The following ADD3 variants were observed in gnomAD, a reference collection of about 807,000 sequenced individuals.
ADD3 encodes adducin 3, also known as gamma-adducin.
In ADD3, 25 loss-of-function variants were observed where a neutral mutation model predicts 80.2. The observed-to-expected ratio is 0.31, with a 90% CI of 0.23 to 0.44. The LOEUF is 0.44. Among genes scored for constraint, ADD3 ranks in the 20% least tolerant of loss-of-function variants. ADD3 has a pLI of 1.00. For synonymous variants in ADD3, 284 were observed against 289.6 expected (o/e 0.98, Z 0.20); for missense variants, 829 against 847.5 (o/e 0.98, Z 0.27).
At chr10:110,101,022 G>T (rs537152198) in intron 2 of ADD3, among the ~76,000 whole-genome samples, 174 bp downstream of exon 2, 1 of 152,270 alleles carries the variant, frequency 6.6e-6, no homozygotes, top group African/African-American at 2.4e-5. Context: ...TATTTGATTT[G>T]CAGAGCCTTA....
chr10:110,090,216 CTTTTT>C (rs144120692), intron 1 of ADD3, among the ~76,000 whole-genome samples: 2 of 113,928 alleles, frequency 1.8e-5, no homozygotes, highest in African/African-American at 3.7e-5. Flanking sequence ...ACCTACTTGA[CTTTTT>C]TTTTTTTTTT....
At chr10:110,022,605 A>G (rs567033365) in intron 1 of ADD3, among the ~76,000 whole-genome samples, 4 of 152,330 alleles carry the variant, frequency 2.6e-5, no homozygotes, top group African/African-American at 7.2e-5. Flanking sequence ...TCATAGCTTG[A>G]TAAGTTTTCA....
At chr10:110,058,476 G>A (rs1403949234) in intron 1 of ADD3, among the ~76,000 whole-genome samples, 1 of 152,122 alleles carries the variant, frequency 6.6e-6, no homozygotes, top group East Asian at 1.9e-4. Flanking sequence ...TCTGATTGAC[G>A]AGATGGTGAC....
intron 1 of ADD3, among the ~76,000 whole-genome samples, chr10:110,071,268 AT>A (rs976531300): frequency 3.3e-5 from 5 of 152,200 alleles, no homozygotes; most frequent in Non-Finnish European, 7.4e-5. Flanking sequence ...CAAAAGTAAC[AT>A]TTTTAACAAA....
chr10:110,086,593 A>G (rs987609629), intron 1 of ADD3, among the ~76,000 whole-genome samples: 2 of 152,098 alleles, frequency 1.3e-5, no homozygotes, highest in African/African-American at 4.8e-5. Flanking sequence ...GAGTTCTCAC[A>G]AGATCTTGTT....
At chr10:110,063,607 G>A (rs903574643) in intron 1 of ADD3, among the ~76,000 whole-genome samples, 1 of 150,960 alleles carries the variant, frequency 6.6e-6, no homozygotes, top group African/African-American at 2.4e-5. Context: ...TATAGAAAGA[G>A]GGGAGGCTTT....
chr10:110,041,177 A>G (rs1283149286), intron 1 of ADD3, among the ~76,000 whole-genome samples: 2 of 152,212 alleles, frequency 1.3e-5, no homozygotes, highest in Non-Finnish European at 2.9e-5. Context: ...TTAAGTAGGT[A>G]GTTGAACATA....
In ADD3 at chr10:110,125,844, T is replaced by C; in HGVS notation, c.1420T>C (p.Ser474Pro). 6.3e-7 allele frequency: 1 copy of C among 1,599,490 alleles called. No individual in the cohort carries two copies. The highest frequency in any genetic ancestry group is 8.5e-7 in the Non-Finnish European group (1 of 1,170,962). Residue 474 changes from serine (S) to proline (P), a missense_variant, in exon 11 of 15, where the codon TCA (serine) becomes CCA (proline). By Grantham distance (74) the Ser-to-Pro change is moderately conservative. Transcript: ENST00000356080. ...TCTTTAGTGGATGAAAGCAGAAGAC[T>C]CATCTAAAGTTAGTGGTGGAACACC... The part of the protein sequence containing the change: ...TKITWMKAED[S>P]SKVSGGTPIK...
chr10:110,128,049 A>ATTTTTTTTTT (rs71486096), intron 12 of ADD3, among the ~76,000 whole-genome samples: 6 of 106,012 alleles, frequency 5.7e-5, no homozygotes, highest in Non-Finnish European at 7.6e-5. Flanking sequence ...TTTGTTTAGG[A>ATTTTTTTTTT]TTTTTTTTTT....
intron 1 of ADD3, among the ~76,000 whole-genome samples, chr10:110,057,143 C>A (rs938733875): frequency 1.3e-5 from 2 of 152,070 alleles, no homozygotes; most frequent in African/African-American, 4.8e-5. Flanking sequence ...TTTTTTCATA[C>A]CCCCAATTCT....
At chr10:110,031,733 G>A (rs1032598003) in intron 1 of ADD3, among the ~76,000 whole-genome samples, 13 of 151,568 alleles carry the variant, frequency 8.6e-5, no homozygotes, top group Non-Finnish European at 1.9e-4. Flanking sequence ...TGTTAATGAA[G>A]AGACATGAGC....
chr10:109,998,728 C>A (rs1345561951), intron 1 of ADD3, among the ~76,000 whole-genome samples: 2 of 152,102 alleles, frequency 1.3e-5, no homozygotes, highest in East Asian at 1.9e-4. Flanking sequence ...TGCCTCATGA[C>A]CTTTGAACTT....
chr10:110,106,173 CCT>C (rs932394079), intron 2 of ADD3: 3 of 150,344 alleles, frequency 2.0e-5, no homozygotes, highest in African/African-American at 7.4e-5. Flanking sequence ...CCCCAATTTT[CCT>C]CTCTAGTAAT....
intron 1 of ADD3, among the ~76,000 whole-genome samples, chr10:110,028,432 C>T (rs564746265): frequency 3.9e-5 from 6 of 152,144 alleles, no homozygotes; most frequent in East Asian, 1.9e-4. Flanking sequence ...GGCGTGGTGG[C>T]GGGCGCCTGT....
At chr10:110,034,262 A>G (rs374848458) in intron 1 of ADD3, among the ~76,000 whole-genome samples, 1 of 152,142 alleles carries the variant, frequency 6.6e-6, no homozygotes, top group East Asian at 1.9e-4. Flanking sequence ...TTTAAAAATC[A>G]GTATTCATAA....
chr10:110,086,510 G>A (rs1199426822), intron 1 of ADD3, among the ~76,000 whole-genome samples: 2 of 152,180 alleles, frequency 1.3e-5, no homozygotes, highest in African/African-American at 4.8e-5. Flanking sequence ...GGTGGGGTCT[G>A]GCAGGAGTTG....
At chr10:110,071,122 G>A (rs7072613) in intron 1 of ADD3, among the ~76,000 whole-genome samples, 5,869 of 151,972 alleles carry the variant, frequency 0.039, 388 homozygotes, top group African/African-American at 0.14. Flanking sequence ...AAAAAAAATT[G>A]GGGGAATGGC....
At chr10:110,066,571 ATTT>A (rs879573980) in intron 1 of ADD3, among the ~76,000 whole-genome samples, 1 of 151,240 alleles carries the variant, frequency 6.6e-6, no homozygotes, top group Non-Finnish European at 1.5e-5. Flanking sequence ...TAAGGGATAG[ATTT>A]TTTTTTCTTT....
At chr10:110,069,545 GT>G (rs912626560) in intron 1 of ADD3, among the ~76,000 whole-genome samples, 215 of 148,744 alleles carry the variant, frequency 1.4e-3, no homozygotes, top group Middle Eastern at 3.5e-3. Flanking sequence ...TATTAGTTGT[GT>G]TTTTTTTTTC....
Sources: gnomAD v4.1 joint callset for allele counts (sites outside exome capture counted in the v4.1 genomes callset) on GRCh38, gnomAD v4.1.1 for gene constraint, MANE v1.5 for transcripts, NCBI Gene and HGNC (gene_info 2026-07-23, HGNC 2026-07-21) for gene names.